The following HEMK2 variants were observed in gnomAD, a reference collection of about 807,000 sequenced individuals.
The protein encoded by HEMK2 is HemK methyltransferase 2, ETF1 glutamine and histone H4 lysine.
chr21:28,755,150 C>T, the HEMK2 span, among the ~76,000 whole-genome samples: 2 of 152,022 alleles, frequency 1.3e-5, no homozygotes, highest in East Asian at 3.9e-4. Context: ...TTCATCATCA[C>T]CAGGGATAGG....
chr21:28,713,698 C>A, the HEMK2 span, among the ~76,000 whole-genome samples: 1 of 152,164 alleles, frequency 6.6e-6, no homozygotes, highest in African/African-American at 2.4e-5. Flanking sequence ...TAACCTTCTG[C>A]GCTTTTCCTT....
chr21:28,869,522 C>G, the HEMK2 span, among the ~76,000 whole-genome samples: 1 of 152,172 alleles, frequency 6.6e-6, no homozygotes, highest in Non-Finnish European at 1.5e-5. Context: ...CTTGGGCATA[C>G]AGTTCAACTA....
the HEMK2 span, among the ~76,000 whole-genome samples, chr21:28,881,664 T>C: frequency 2.7e-5 from 4 of 149,528 alleles, no homozygotes; most frequent in Non-Finnish European, 5.9e-5. Context: ...CAGGGCTTTG[T>C]TCTGTTCCAC....
the HEMK2 span, among the ~76,000 whole-genome samples, chr21:28,863,913 C>T: frequency 6.6e-6 from 1 of 152,184 alleles, no homozygotes; most frequent in African/African-American, 2.4e-5. Flanking sequence ...CTGCAACCTC[C>T]ACCTCCCAGA....
At chr21:28,882,865 T>C in the HEMK2 span, 1 of 559,734 alleles carries the variant, frequency 1.8e-6, no homozygotes, top group East Asian at 3.3e-5. Flanking sequence ...TAGTTTGTAA[T>C]CTGAGTTTTT....
chr21:28,686,670 G>C, the HEMK2 span, among the ~76,000 whole-genome samples: 83 of 152,344 alleles, frequency 5.4e-4, 2 homozygotes, highest in East Asian at 0.015. Flanking sequence ...ACGCTTTTTA[G>C]GTGGCCCAGG....
chr21:28,790,889 G>A, the HEMK2 span, among the ~76,000 whole-genome samples: 4 of 150,086 alleles, frequency 2.7e-5, no homozygotes, highest in East Asian at 5.9e-4. Flanking sequence ...GCTAAATGAC[G>A]AGTTAATGGG....
At chr21:28,794,937 T>C in the HEMK2 span, among the ~76,000 whole-genome samples, 9 of 152,180 alleles carry the variant, frequency 5.9e-5, no homozygotes, top group East Asian at 7.7e-4. Context: ...ATGGGTGCCA[T>C]TAAAGTCCAG....
At chr21:28,801,959 CA>C in the HEMK2 span, among the ~76,000 whole-genome samples, 1 of 152,050 alleles carries the variant, frequency 6.6e-6, no homozygotes, top group Admixed American at 6.6e-5. Context: ...CTTTGGCGGC[CA>C]ATTTGGCATA....
the HEMK2 span, among the ~76,000 whole-genome samples, chr21:28,859,387 C>T: frequency 5.9e-5 from 9 of 152,106 alleles, no homozygotes; most frequent in Admixed American, 1.3e-4. Flanking sequence ...TGTGCTTTGA[C>T]GTTTTCCCTG....
chr21:28,793,315 G>T, the HEMK2 span, among the ~76,000 whole-genome samples: 2 of 152,234 alleles, frequency 1.3e-5, no homozygotes, highest in African/African-American at 4.8e-5. Context: ...TTTTTGGGAA[G>T]TGGCTGGTCA....
chr21:28,784,174 C>T, the HEMK2 span, among the ~76,000 whole-genome samples: 1 of 152,338 alleles, frequency 6.6e-6, no homozygotes, highest in East Asian at 1.9e-4. Context: ...GGCAGCTCTG[C>T]CTGCGGCCCC....
At chr21:28,713,376 T>C in the HEMK2 span, among the ~76,000 whole-genome samples, 1 of 152,178 alleles carries the variant, frequency 6.6e-6, no homozygotes, top group African/African-American at 2.4e-5. Context: ...AGCCCTGCAT[T>C]GGTTCCCACT....
At chr21:28,681,930 C>T in the HEMK2 span, among the ~76,000 whole-genome samples, 1 of 152,164 alleles carries the variant, frequency 6.6e-6, no homozygotes, top group African/African-American at 2.4e-5. Context: ...ATATGTTAGA[C>T]CTAAAACCAT....
chr21:28,616,733 C>T, the HEMK2 span, among the ~76,000 whole-genome samples: 41,927 of 152,064 alleles, frequency 0.28, 7,693 homozygotes, highest in African/African-American at 0.52. Context: ...CCAGTTCCTA[C>T]CCTACAAGTA....
the HEMK2 span, among the ~76,000 whole-genome samples, chr21:28,761,545 A>T: frequency 6.6e-6 from 1 of 151,378 alleles, no homozygotes; most frequent in Non-Finnish European, 1.5e-5. Flanking sequence ...CACATAACTC[A>T]GACTGAGTCC....
At chr21:28,640,680 T>C in the HEMK2 span, among the ~76,000 whole-genome samples, 1 of 151,522 alleles carries the variant, frequency 6.6e-6, no homozygotes, top group Non-Finnish European at 1.5e-5. Flanking sequence ...CTAGTGGATG[T>C]CTGATCTAGG....
the HEMK2 span, among the ~76,000 whole-genome samples, chr21:28,857,675 T>A: frequency 1.0e-3 from 156 of 152,340 alleles, no homozygotes; most frequent in African/African-American, 3.6e-3. Context: ...CCTTGTCTGT[T>A]ATTAATATTG....
chr21:28,857,359 A>G, the HEMK2 span, among the ~76,000 whole-genome samples: 2 of 152,186 alleles, frequency 1.3e-5, no homozygotes, highest in Non-Finnish European at 2.9e-5. Context: ...TAAATGTTCA[A>G]TGAACATATA....
Sources: gnomAD v4.1 joint callset for allele counts (sites outside exome capture counted in the v4.1 genomes callset) on GRCh38, gnomAD v4.1.1 for gene constraint, MANE v1.5 for transcripts, NCBI Gene and HGNC (gene_info 2026-07-23, HGNC 2026-07-21) for gene names.